Variants in CDC14A observed in about 807,000 individuals in gnomAD.
CDC14A encodes the protein cell division cycle 14A, also known as dual specificity protein phosphatase CDC14A.
Under a neutral mutation model 74.4 loss-of-function variants are expected in CDC14A, and 53 were observed. That is an observed-to-expected ratio of 0.71 (90% CI 0.57 to 0.89). The LOEUF (loss-of-function observed/expected upper bound fraction) is 0.89. CDC14A is among the 40% of genes least tolerant of loss of function. The pLI, the probability that CDC14A is intolerant of heterozygous loss-of-function variation, is 0.00. For missense variants in CDC14A, 646 were observed against 713.7 expected, an observed-to-expected ratio of 0.91 and a Z score of 1.08; for synonymous variants, 247 against 258.4, an observed-to-expected ratio of 0.96 and a Z score of 0.43.
intron 2 of CDC14A, among the ~76,000 whole-genome samples, chr1:100,354,930 T>C (rs1651676012): frequency 1.3e-5 from 2 of 152,186 alleles, no homozygotes; most frequent in Admixed American, 6.5e-5. Flanking sequence ...GGGAAAACAA[T>C]CTTTGTCACT....
chr1:100,412,594 G>A (rs186867902), intron 4 of CDC14A, among the ~76,000 whole-genome samples: 1 of 146,742 alleles, frequency 6.8e-6, no homozygotes, highest in Non-Finnish European at 1.5e-5. Flanking sequence ...GGTGAAGGGG[G>A]GCTGTTTTCT....
chr1:100,417,611 T>C (rs11166448), intron 4 of CDC14A, among the ~76,000 whole-genome samples: 19,967 of 152,178 alleles, frequency 0.13, 1,506 homozygotes, highest in Non-Finnish European at 0.16. Context: ...ACCTAGAGCT[T>C]TTATTTTTTA....
At chr1:100,404,811 C>T (rs538009603) in intron 4 of CDC14A, among the ~76,000 whole-genome samples, 1 of 151,814 alleles carries the variant, frequency 6.6e-6, no homozygotes. Flanking sequence ...GCCTGGGCAA[C>T]AGAGCGAGAC....
chr1:100,500,977 C>T (rs1331559227), intron 15 of CDC14A, among the ~76,000 whole-genome samples: 1 of 151,900 alleles, frequency 6.6e-6, no homozygotes, highest in Non-Finnish European at 1.5e-5. Flanking sequence ...ATCTGATGTT[C>T]CCTGTCCTAT....
chr1:100,420,053 C>CATATATATATAT (rs1420823843), intron 4 of CDC14A, among the ~76,000 whole-genome samples: 9 of 18,370 alleles, frequency 4.9e-4, no homozygotes, highest in African/African-American at 1.7e-3. Flanking sequence ...CACACACACA[C>CATATATATATAT]ACACACACAC....
chr1:100,372,209 G>A (rs1654578004), intron 2 of CDC14A, among the ~76,000 whole-genome samples: 1 of 152,222 alleles, frequency 6.6e-6, no homozygotes, highest in South Asian at 2.1e-4. Flanking sequence ...CTGGTGGAGG[G>A]CCCTGCCCCA....
At position 100,508,872 on chromosome 1, in the gene CDC14A, G is replaced by C. The variant is rs997760060; in HGVS notation, c.1756-9379G>C. Among the ~76,000 whole-genome samples, 1 of 152,148 alleles carries C rather than the reference G, an allele frequency of 6.6e-6. No individual in the cohort carries two copies. Among genetic ancestry groups the C allele is most frequent in the Non-Finnish European group, 1.5e-5 (1 of 68,022 alleles). On this transcript the variant is annotated intron_variant, in intron 15 of 15. Coordinates refer to ENST00000336454, the MANE Select transcript of CDC14A (RefSeq NM_003672.4). This position sits in a 1 kb window ranked among gnomAD's most constrained non-coding sequence, Gnocchi z 4.4. ...TCTGGGTCACAAAGATGTTGATCTT[G>C]CTTTTAATTTCTGCTGTGCCCTTTC...
In CDC14A at chr1:100,442,845, A is replaced by G. The variant is rs368790569; in HGVS notation, c.457-89A>G. 478 of 855,800 alleles carry G rather than the reference A, an allele frequency of 5.6e-4. 1 individual carries two copies. In the African/African-American group the frequency reaches 7.1e-3, roughly 13 times the overall value. 53.0% of individuals were successfully genotyped at this position (855,800 alleles called of 1,614,324 possible). ...TTCAAGCTGTCTCTTCAGATTAGTGAGGATCATTTCTGTAAGTAGGAGTTC... is the reference window on the plus strand; with the variant it reads ...TTCAAGCTGTCTCTTCAGATTAGTGGGGATCATTTCTGTAAGTAGGAGTTC... On this transcript the variant is annotated intron_variant, in intron 6 of 15. Transcript: ENST00000336454.
chr1:100,484,338 C>T lies in CDC14A; in HGVS notation c.1024C>T (p.Leu342=), dbSNP rs1571311892. The change falls in exon 11 of 16, where the codon CTG becomes TTG. Residue 342 remains leucine (L), a synonymous_variant. Coordinates refer to ENST00000336454, the MANE Select transcript of CDC14A (RefSeq NM_003672.4). ...WVQGDIFRSK[L]KNRPSSEGSI... is the part of the protein sequence containing the mutation. ...CCAAGGAGACATTTTCCGATCCAAA[C>T]TGAAAAATCGACCATCCAGTGAAGG... is the stretch of plus-strand genomic sequence containing the variant. 1.6e-5 allele frequency: 25 copies of T among 1,603,304 alleles called. No homozygotes were observed. In the East Asian group the frequency reaches 5.0e-4, roughly 32 times the overall value.
chr1:100,362,370 G>A lies in CDC14A; in HGVS notation c.140+8518G>A, dbSNP rs1260246416. On this transcript the variant is annotated intron_variant, in intron 2 of 15. Coordinates refer to ENST00000336454, the MANE Select transcript of CDC14A (RefSeq NM_003672.4). ...TACAATGAAGAAATTCAAACCTACA[G>A]TGCTATAAATTTTTAATTGGCATAA... Among the ~76,000 whole-genome samples the A allele has an allele frequency of 2.6e-5, 4 of 152,218 alleles. No homozygotes were observed. The East Asian group carries it at 5.8e-4, about 22-fold the overall frequency.
At chr1:100,452,297 G>A (rs1166804255) in intron 7 of CDC14A, among the ~76,000 whole-genome samples, 1 of 152,130 alleles carries the variant, frequency 6.6e-6, no homozygotes, top group Admixed American at 6.6e-5. Flanking sequence ...GGATCATGAG[G>A]TCAGGAGTTC....
In CDC14A at chr1:100,352,544, G is replaced by T; in HGVS notation, c.-411G>T. 9.6e-7 allele frequency: 1 copy of T among 1,038,952 alleles called. No individual in the cohort carries two copies. The highest frequency in any genetic ancestry group is 1.2e-6 in the Non-Finnish European group (1 of 864,782). 64.4% of individuals were successfully genotyped at this position (1,038,952 alleles called of 1,614,324 possible). A position where few individuals can be genotyped will look rare whatever the true frequency, so the allele number is the denominator to read the frequency against. On this transcript the variant is annotated 5_prime_UTR_variant, in exon 1 of 16. Coordinates refer to ENST00000336454, the MANE Select transcript of CDC14A (RefSeq NM_003672.4). ...AGCCCGCGGGCACTGAAGTCCTCCC[G>T]GCTGCCGCTCGAGTAGCCACGGGCG...
At chr1:100,497,965 C>T in intron 13 of CDC14A, 120 bp from the exon 14 acceptor site, 3 of 1,028,430 alleles carry the variant, frequency 2.9e-6, no homozygotes, top group Non-Finnish European at 4.2e-6. Context: ...CTGCTGTCAT[C>T]ACTATTAGGA....
At chr1:100,439,477 TAAG>T (rs1367058536) in intron 5 of CDC14A, among the ~76,000 whole-genome samples, 1 of 152,172 alleles carries the variant, frequency 6.6e-6, no homozygotes, top group Non-Finnish European at 1.5e-5. Flanking sequence ...CTGTTAATAA[TAAG>T]AATAGTCATA....
chr1:100,432,383 C>T (rs1192307376), intron 5 of CDC14A, among the ~76,000 whole-genome samples: 1 of 152,210 alleles, frequency 6.6e-6, no homozygotes, highest in African/African-American at 2.4e-5. Flanking sequence ...ACAATATAGT[C>T]TGCAGCTGAA....
At chr1:100,459,122 C>CAGAGAGAGAGAGAG (rs1474410623) in intron 8 of CDC14A, among the ~76,000 whole-genome samples, 7 of 146,616 alleles carry the variant, frequency 4.8e-5, no homozygotes, top group African/African-American at 1.8e-4. Flanking sequence ...CACACACACA[C>CAGAGAGAGAGAGAG]ACACAGAGAG....
intron 10 of CDC14A, among the ~76,000 whole-genome samples, chr1:100,472,745 C>T (rs971770491): frequency 1.3e-5 from 2 of 151,766 alleles, no homozygotes; most frequent in African/African-American, 2.4e-5. Flanking sequence ...TATTTCATAA[C>T]GTGTGAGACT....
chr1:100,491,572 A>ATATATATTTTT (rs1418515078), intron 11 of CDC14A, among the ~76,000 whole-genome samples: 8 of 25,106 alleles, frequency 3.2e-4, no homozygotes, highest in Non-Finnish European at 5.0e-4. Context: ...ATATATATAT[A>ATATATATTTTT]TTTTTTTTTT....
intron 8 of CDC14A, among the ~76,000 whole-genome samples, chr1:100,457,396 C>T (rs539219430): frequency 8.7e-4 from 132 of 152,250 alleles, no homozygotes; most frequent in Non-Finnish European, 1.2e-3. Flanking sequence ...TCATTTTCCA[C>T]GACTGCATTG....
Sources: allele counts gnomAD v4.1 joint callset (sites outside exome capture counted in the v4.1 genomes callset), GRCh38; gene constraint gnomAD v4.1.1; non-coding constraint Gnocchi (gnomAD v3.1); transcripts MANE v1.5; gene names NCBI Gene and HGNC (gene_info 2026-07-23, HGNC 2026-07-21).